SNX24: variants seen among roughly 807,000 people sequenced by gnomAD.
The protein encoded by SNX24 is sorting nexin 24.
Under a neutral mutation model 28.7 loss-of-function variants are expected in SNX24, and 22 were observed. The observed-to-expected ratio is 0.77, with a 90% CI of 0.55 to 1.10. The LOEUF is 1.10. SNX24 is among the 50% of genes least tolerant of loss of function. The pLI is 0.00. For synonymous variants in SNX24, 69 were observed against 71.5 expected, an observed-to-expected ratio of 0.96 and a Z score of 0.18; for missense variants, 221 against 201.1, an observed-to-expected ratio of 1.10 and a Z score of -0.60.
chr5:122,976,781 C>G (rs1050451708), intron 3 of SNX24, among the ~76,000 whole-genome samples: 2 of 152,196 alleles, frequency 1.3e-5, no homozygotes, highest in African/African-American at 2.4e-5. Context: ...GCCTAGAGTG[C>G]GTAAAACGCA....
rs143001957 is a variant in SNX24, at chr5:122,875,718, T to TA, written c.60+30026dup. ...CAACCTAATACTAACAAATAGTTGT[T>TA]ACCATCCTAGGTCTGAAAAGCAGGA... On this transcript the variant is annotated intron_variant, in intron 1 of 6. Coordinates refer to ENST00000261369, the MANE Select transcript of SNX24 (RefSeq NM_014035.4). 8.3e-3 allele frequency among the ~76,000 whole-genome samples: 1,263 copies of TA among 152,384 alleles called. 18 individuals are homozygous for TA. Among genetic ancestry groups the TA allele is most frequent in the African/African-American group, 0.029 (1,198 of 41,586 alleles).
chr5:123,017,434 T>G (rs1762698705), intron 5 of SNX24, among the ~76,000 whole-genome samples: 1 of 152,136 alleles, frequency 6.6e-6, no homozygotes, highest in Admixed American at 6.5e-5. Context: ...AGTTGTTTTT[T>G]TTTTTTTTTA....
intron 1 of SNX24, among the ~76,000 whole-genome samples, chr5:122,889,630 T>C (rs1057191021): frequency 2.0e-5 from 3 of 147,972 alleles, no homozygotes; most frequent in Non-Finnish European, 4.5e-5. Flanking sequence ...TATACACATA[T>C]ATATATATAC....
At chr5:122,989,294 C>T (rs1561702817) in intron 3 of SNX24, among the ~76,000 whole-genome samples, 1 of 152,138 alleles carries the variant, frequency 6.6e-6, no homozygotes, top group South Asian at 2.1e-4. Flanking sequence ...ATTGCATTTC[C>T]TTGATTCTTT....
Position 122,890,455 on chromosome 5 carries a change from T to G in SNX24, c.60+44762T>G, listed in dbSNP as rs563817115. ...TCATTCCTTCTCTGTAAGGAAAAGA[T>G]TTCCATTTAGAGGGGATTTTTTTTT... On this transcript the variant is annotated intron_variant, in intron 1 of 6. Transcript: ENST00000261369. 4.1e-5 allele frequency among the ~76,000 whole-genome samples: 6 copies of G among 147,170 alleles called. No individual in the cohort carries two copies. The Admixed American group carries it at 4.3e-4, about 11-fold the overall frequency.
intron 5 of SNX24, chr5:123,023,836 A>ACG (rs750956100): frequency 4.4e-6 from 7 of 1,602,830 alleles, no homozygotes; most frequent in Non-Finnish European, 6.0e-6. Flanking sequence ...ACACACACAC[A>ACG]CCCCTGCCAA....
At chr5:122,926,454 G>A (rs1758698328) in intron 1 of SNX24, among the ~76,000 whole-genome samples, 1 of 152,194 alleles carries the variant, frequency 6.6e-6, no homozygotes, top group Non-Finnish European at 1.5e-5. Flanking sequence ...AAGACACAGA[G>A]GGAAGACACT....
intron 3 of SNX24, among the ~76,000 whole-genome samples, chr5:122,979,180 T>G (rs1204856462): frequency 6.6e-6 from 1 of 152,192 alleles, no homozygotes; most frequent in Non-Finnish European, 1.5e-5. Flanking sequence ...TCAGAACTAC[T>G]CTTAGGATTC....
chr5:122,910,489 TTAAG>T (rs1344850645), intron 1 of SNX24, among the ~76,000 whole-genome samples: 8 of 152,140 alleles, frequency 5.3e-5, no homozygotes, highest in Middle Eastern at 3.4e-3. Flanking sequence ...TTATTATACT[TTAAG>T]TTTTAGGGTA....
At chr5:122,916,571 C>G (rs1182447177) in intron 1 of SNX24, among the ~76,000 whole-genome samples, 1 of 152,126 alleles carries the variant, frequency 6.6e-6, no homozygotes, top group Non-Finnish European at 1.5e-5. Flanking sequence ...ATACTTTAAG[C>G]TTGAACAGTC....
chr5:122,935,953 T>G (rs1014634805), intron 1 of SNX24, among the ~76,000 whole-genome samples: 3 of 152,226 alleles, frequency 2.0e-5, no homozygotes, highest in Non-Finnish European at 4.4e-5. Context: ...AGCTCCTCTT[T>G]AGATCCTGCT....
At chr5:122,878,370 C>T (rs78177810) in intron 1 of SNX24, among the ~76,000 whole-genome samples, 5,383 of 152,014 alleles carry the variant, frequency 0.035, 145 homozygotes, top group East Asian at 0.1. Context: ...CAGATTACAG[C>T]GGATTAAGAA....
chr5:122,989,000 T>G (rs976075567), intron 3 of SNX24, among the ~76,000 whole-genome samples: 1 of 152,218 alleles, frequency 6.6e-6, no homozygotes, highest in African/African-American at 2.4e-5. Context: ...TACCCAGTAC[T>G]AAAGCAGTAA....
intron 3 of SNX24, among the ~76,000 whole-genome samples, chr5:122,971,027 T>C (rs1760937141): frequency 6.6e-6 from 1 of 152,204 alleles, no homozygotes; most frequent in African/African-American, 2.4e-5. Context: ...AGTCTCACGA[T>C]AGGCTCTCTG....
chr5:122,899,190 T>G (rs1247810994), intron 1 of SNX24, among the ~76,000 whole-genome samples: 1 of 152,190 alleles, frequency 6.6e-6, no homozygotes, highest in Admixed American at 6.5e-5. Flanking sequence ...TACACCTGGC[T>G]GCGAGTCGTG....
intron 1 of SNX24, among the ~76,000 whole-genome samples, chr5:122,898,994 G>T (rs1469571215): frequency 2.0e-5 from 3 of 152,202 alleles, no homozygotes; most frequent in African/African-American, 7.2e-5. Flanking sequence ...CAGTGTTTAT[G>T]CATTATTGGT....
chr5:122,927,640 GA>G (rs1758760291), intron 1 of SNX24, among the ~76,000 whole-genome samples: 1 of 152,170 alleles, frequency 6.6e-6, no homozygotes, highest in Non-Finnish European at 1.5e-5. Context: ...TAATTTGGAA[GA>G]GAAAGGCATT....
At chr5:122,889,632 T>C (rs1227564482) in intron 1 of SNX24, among the ~76,000 whole-genome samples, 4 of 148,224 alleles carry the variant, frequency 2.7e-5, no homozygotes, top group African/African-American at 9.8e-5. Context: ...TACACATATA[T>C]ATATATACAC....
chr5:123,025,163 C>T (rs1279612469), intron 5 of SNX24, among the ~76,000 whole-genome samples: 1 of 152,140 alleles, frequency 6.6e-6, no homozygotes, highest in African/African-American at 2.4e-5. Context: ...GTAAGAAATA[C>T]ATAACATAAA....
Sources: gnomAD v4.1 joint callset for allele counts (sites outside exome capture counted in the v4.1 genomes callset) on GRCh38, gnomAD v4.1.1 for gene constraint, MANE v1.5 for transcripts, NCBI Gene and HGNC (gene_info 2026-07-23, HGNC 2026-07-21) for gene names.